AKAP6: variants seen among roughly 807,000 people sequenced by gnomAD.
The protein encoded by AKAP6 is A-kinase anchor protein 6.
Under a neutral mutation model 188.5 loss-of-function variants are expected in AKAP6, and 58 were observed. That is an observed-to-expected ratio of 0.31 (90% CI 0.25 to 0.38). The LOEUF is 0.38. AKAP6 is among the 10% of genes least tolerant of loss of function. AKAP6 has a pLI of 1.00. For missense variants in AKAP6, 2,710 were observed against 2,740.0 expected, an observed-to-expected ratio of 0.99 and a Z score of 0.24; for synonymous variants, 989 against 998.6, an observed-to-expected ratio of 0.99 and a Z score of 0.18.
At chr14:32,399,466 T>C (rs190699003) in intron 1 of AKAP6, among the ~76,000 whole-genome samples, 7 of 152,316 alleles carry the variant, frequency 4.6e-5, no homozygotes, top group African/African-American at 1.7e-4. Context: ...TCATCCAGTG[T>C]CTTGTCACAT....
intron 1 of AKAP6, among the ~76,000 whole-genome samples, chr14:32,366,790 T>C (rs922344068): frequency 1.3e-5 from 2 of 152,134 alleles, no homozygotes; most frequent in Admixed American, 1.3e-4. Flanking sequence ...TTATTTTTAG[T>C]ATGTTTAGCC....
At chr14:32,736,891 C>T (rs1024584634) in intron 11 of AKAP6, among the ~76,000 whole-genome samples, 2 of 152,064 alleles carry the variant, frequency 1.3e-5, no homozygotes, top group African/African-American at 4.8e-5. Context: ...AAGACAAGAC[C>T]ACAATACTTC....
intron 9 of AKAP6, among the ~76,000 whole-genome samples, chr14:32,707,038 G>A (rs1475305747): frequency 6.6e-6 from 1 of 152,048 alleles, no homozygotes; most frequent in Non-Finnish European, 1.5e-5. Context: ...AAGAAAATGT[G>A]TGAATTTTAA....
In AKAP6 at chr14:32,835,261, G is replaced by A. The variant is rs1336655446; in HGVS notation, c.*5456G>A. ...GTGTAAGACATAAACACCGGCAATA[G>A]TTGTGTTTTTTTTTTCTTTTTACTT... On this transcript the variant is annotated 3_prime_UTR_variant, in exon 14 of 14. Transcript: ENST00000280979. 2.4e-5 allele frequency: 3 copies of A among 126,932 alleles called. No individual in the cohort carries two copies. The highest frequency in any genetic ancestry group is 5.6e-5 in the Non-Finnish European group (3 of 53,892). 7.9% of individuals were successfully genotyped at this position (126,932 alleles called of 1,614,324 possible). A position where few individuals can be genotyped will look rare whatever the true frequency, so the allele number is the denominator to read the frequency against.
intron 4 of AKAP6, among the ~76,000 whole-genome samples, chr14:32,566,411 C>T (rs575416923): frequency 6.6e-6 from 1 of 152,130 alleles, no homozygotes; most frequent in South Asian, 2.1e-4. Context: ...CAAAAACTTT[C>T]TGGGGATCTC....
chr14:32,515,229 T>C (rs1471608041), intron 2 of AKAP6, among the ~76,000 whole-genome samples: 1 of 152,122 alleles, frequency 6.6e-6, no homozygotes, highest in Non-Finnish European at 1.5e-5. Flanking sequence ...TCAGATCTCA[T>C]AAGACTTATT....
At chr14:32,764,824 T>G (rs1401874509) in intron 11 of AKAP6, among the ~76,000 whole-genome samples, 1 of 152,204 alleles carries the variant, frequency 6.6e-6, no homozygotes, top group Non-Finnish European at 1.5e-5. Context: ...ATGTTGGTCA[T>G]TACTGCTGGA....
chr14:32,572,530 C>T (rs745465407), intron 4 of AKAP6, among the ~76,000 whole-genome samples: 14 of 152,130 alleles, frequency 9.2e-5, no homozygotes, highest in East Asian at 3.9e-4. Flanking sequence ...CAAAGGTAAC[C>T]GCCCAGACAG....
At chr14:32,829,636 A>G (rs1184283521) in intron 13 of AKAP6, among the ~76,000 whole-genome samples, 4 of 151,764 alleles carry the variant, frequency 2.6e-5, no homozygotes, top group East Asian at 1.9e-4. Flanking sequence ...AAAAAAATCA[A>G]TGTATTTTTC....
rs1594996827 is a variant in AKAP6 at position 32,830,195 on chromosome 14, T to C, written c.*390T>C. 9 of 485,052 alleles carry C rather than the reference T, an allele frequency of 1.9e-5. No homozygotes were observed. The East Asian group carries it at 2.4e-4, about 13-fold the overall frequency. The allele number at this position is 485,052 out of a possible 1,614,324, so 30.0% of individuals were successfully genotyped here. A position where few individuals can be genotyped will look rare whatever the true frequency, so the allele number is the denominator to read the frequency against. On this transcript the variant is annotated 3_prime_UTR_variant, in exon 14 of 14. Transcript: ENST00000280979. ...CAACTGGTAGTCCATTAAATTCTCC[T>C]GTCTAGAATGACCCCCCCACCAGTA...
At chr14:32,597,459 G>T (rs948063431) in intron 5 of AKAP6, among the ~76,000 whole-genome samples, 2 of 152,156 alleles carry the variant, frequency 1.3e-5, no homozygotes, top group Non-Finnish European at 2.9e-5. Context: ...ATTCTGCATG[G>T]CATTGCTTCA....
chr14:32,469,656 TCGCTAGTTAAAAG>T lies in AKAP6; in HGVS notation c.324+35840_324+35852del, dbSNP rs549984715. On this transcript the variant is annotated intron_variant, in intron 2 of 13. Coordinates refer to ENST00000280979, the MANE Select transcript of AKAP6 (RefSeq NM_004274.5). ...TATAGCTTTCCCATTTTTCTTTGCC[TCGCTAGTTAAAAG>T]AATGTCTTTTTTTTTTTGAGATCTG... 1.7e-3 allele frequency among the ~76,000 whole-genome samples: 255 copies of T among 151,390 alleles called. 2 individuals are homozygous for T. Among genetic ancestry groups the T allele is most frequent in the African/African-American group, 5.6e-3 (230 of 41,200 alleles).
chr14:32,702,965 T>C (rs1366085586), intron 9 of AKAP6, among the ~76,000 whole-genome samples: 1 of 152,068 alleles, frequency 6.6e-6, no homozygotes, highest in African/African-American at 2.4e-5. Context: ...CTTCAATAAA[T>C]GGGGTACAGG....
intron 4 of AKAP6, among the ~76,000 whole-genome samples, chr14:32,575,035 TC>T (rs1356809343): frequency 6.6e-6 from 1 of 152,142 alleles, no homozygotes; most frequent in East Asian, 1.9e-4. Flanking sequence ...AATATTCTGA[TC>T]CCTAGGTAGT....
chr14:32,422,190 G>A (rs571317887), intron 1 of AKAP6, among the ~76,000 whole-genome samples: 1 of 152,008 alleles, frequency 6.6e-6, no homozygotes, highest in African/African-American at 2.4e-5. Flanking sequence ...CAAGCTTGAG[G>A]TTAAGGGCAC....
chr14:32,813,395 C>A lies in AKAP6; in HGVS notation c.3589-8007C>A, dbSNP rs562823533. 5.7e-3 allele frequency among the ~76,000 whole-genome samples: 685 copies of A among 119,640 alleles called. 19 individuals carry two copies. Among genetic ancestry groups the A allele is most frequent in the African/African-American group, 0.02 (609 of 29,874 alleles). 78.5% of individuals were successfully genotyped at this position (119,640 alleles called of 152,430 possible). On this transcript the variant is annotated intron_variant, in intron 12 of 13. Transcript: ENST00000280979. ...AGTTTTCATCTCTAACCCTACCCCC[C>A]CCCCCAACCCCTTTCCCAGAGGTCC... is the stretch of plus-strand genomic sequence containing the variant.
At chr14:32,573,019 CAGTT>C (rs1021172013) in intron 4 of AKAP6, among the ~76,000 whole-genome samples, 1 of 152,030 alleles carries the variant, frequency 6.6e-6, no homozygotes, top group Non-Finnish European at 1.5e-5. Flanking sequence ...AAGAAGGAAA[CAGTT>C]AATCCATGAG....
At chr14:32,611,703 A>G (rs1400571837) in intron 7 of AKAP6, among the ~76,000 whole-genome samples, 1 of 152,168 alleles carries the variant, frequency 6.6e-6, no homozygotes, top group East Asian at 1.9e-4. Context: ...GTTGCCCAGA[A>G]TGCTGGCAGC....
At chr14:32,462,901 CAAA>C (rs71143943) in intron 2 of AKAP6, among the ~76,000 whole-genome samples, 4 of 8,818 alleles carry the variant, frequency 4.5e-4, no homozygotes, top group Non-Finnish European at 8.5e-4. Context: ...AAATGGAAAG[CAAA>C]AAAAAAAAAA....
Sources: allele counts gnomAD v4.1 joint callset (sites outside exome capture counted in the v4.1 genomes callset), GRCh38; gene constraint gnomAD v4.1.1; transcripts MANE v1.5; gene names NCBI Gene and HGNC (gene_info 2026-07-23, HGNC 2026-07-21).